PPM1A: variants seen among roughly 807,000 people sequenced by gnomAD.
PPM1A encodes the protein protein phosphatase 1A.
Under a neutral mutation model 35.0 loss-of-function variants are expected in PPM1A, and 7 were observed. The ratio of observed to expected loss-of-function variants is 0.20; its 90% CI spans 0.11 to 0.38. The LOEUF is 0.38. PPM1A is among the 10% of genes least tolerant of loss of function. PPM1A has a pLI of 1.00. For missense variants in PPM1A, 239 were observed against 467.8 expected (o/e 0.51, Z 4.51); for synonymous variants, 153 against 167.3 (o/e 0.91, Z 0.66).
rs983436461 is a variant in PPM1A, at chr14:60,282,628, G to A, written c.-20-56G>A. ...TTTCACTTATTAAAAAGATTGTTTGGTACATATTTTGTTTATAAGACAGTT... is the reference window on the plus strand; with the variant it reads ...TTTCACTTATTAAAAAGATTGTTTGATACATATTTTGTTTATAAGACAGTT... On this transcript the variant is annotated intron_variant, in intron 1 of 5. Coordinates refer to ENST00000395076, the MANE Select transcript of PPM1A (RefSeq NM_021003.5). The surrounding 1 kb of genome is among the most constrained non-coding windows in gnomAD (Gnocchi z 5.1). The A allele has an allele frequency of 1.8e-4, 287 of 1,556,262 alleles. No homozygotes were observed. The highest frequency in any genetic ancestry group is 2.0e-4 in the Non-Finnish European group (225 of 1,148,964).
At chr14:60,281,473 T>C (rs554917144) in intron 1 of PPM1A, among the ~76,000 whole-genome samples, 1 of 152,332 alleles carries the variant, frequency 6.6e-6, no homozygotes, top group South Asian at 2.1e-4. Flanking sequence ...TGAGTATCAT[T>C]AGCATCATCA....
chr14:60,288,374 A>G, intron 3 of PPM1A: 1 of 982,018 alleles, frequency 1.0e-6, no homozygotes, highest in Non-Finnish European at 1.2e-6. Context: ...CTATCCAAAT[A>G]ATTGTATTGG....
chr14:60,249,633 G>A lies in PPM1A; in HGVS notation c.-65G>A. On this transcript the variant is annotated 5_prime_UTR_variant, in exon 1 of 6. Coordinates refer to ENST00000395076, the MANE Select transcript of PPM1A (RefSeq NM_021003.5). This position sits in a 1 kb window ranked among gnomAD's most constrained non-coding sequence, Gnocchi z 4.5. ...GACCCCCTCCCCGGCTGCCGCCGCC[G>A]CCGCCTCGGCCGACCAGGGACCTGC... 1 of 983,052 alleles carries A rather than the reference G, an allele frequency of 1.0e-6. No homozygotes were observed. Among genetic ancestry groups the A allele is most frequent in the Non-Finnish European group, 1.2e-6 (1 of 830,644 alleles). 60.9% of individuals were successfully genotyped at this position (983,052 alleles called of 1,614,324 possible). A position where few individuals can be genotyped will look rare whatever the true frequency, so the allele number is the denominator to read the frequency against.
At chr14:60,270,535 C>T (rs1486087259) in intron 1 of PPM1A, among the ~76,000 whole-genome samples, 1 of 152,082 alleles carries the variant, frequency 6.6e-6, no homozygotes, top group Non-Finnish European at 1.5e-5. Context: ...TACTCCTTGC[C>T]TGTTCTGTCA....
intron 3 of PPM1A, chr14:60,287,377 A>T: frequency 3.1e-6 from 3 of 981,586 alleles, no homozygotes; most frequent in Non-Finnish European, 3.6e-6. Flanking sequence ...GATTGTCATA[A>T]ATTAAATATG....
At chr14:60,271,436 G>A (rs562491052) in intron 1 of PPM1A, among the ~76,000 whole-genome samples, 1 of 152,338 alleles carries the variant, frequency 6.6e-6, no homozygotes, top group Non-Finnish European at 1.5e-5. Flanking sequence ...CTACTTTAGA[G>A]TGAGGCAGAC....
At chr14:60,267,298 A>G (rs775035467) in intron 1 of PPM1A, 6 of 152,090 alleles carry the variant, frequency 3.9e-5, no homozygotes, top group Non-Finnish European at 7.4e-5. Context: ...TGAAGTAAGT[A>G]TTATATTAAG....
At position 60,267,610 on chromosome 14, in the gene PPM1A, A is replaced by G. The variant is rs528675710; in HGVS notation, c.-20-15074A>G. Among the ~76,000 whole-genome samples, 7 of 152,216 alleles carry G rather than the reference A, an allele frequency of 4.6e-5. No individual in the cohort carries two copies. In the South Asian group the frequency reaches 1.4e-3, roughly 32 times the overall value. ...ATTTTTTTCCTGTAATCTATAGATA[A>G]CTTAGGTAATTTGAGAGTTACATGT... On this transcript the variant is annotated intron_variant, in intron 1 of 5. Transcript: ENST00000395076.
chr14:60,256,598 G>A (rs971460197), intron 1 of PPM1A, among the ~76,000 whole-genome samples: 4 of 152,142 alleles, frequency 2.6e-5, no homozygotes, highest in Admixed American at 2.0e-4. Flanking sequence ...TAGCCTTGAC[G>A]TTAGCAACTA....
intron 1 of PPM1A, among the ~76,000 whole-genome samples, chr14:60,279,234 T>A (rs1886104812): frequency 6.6e-6 from 1 of 152,206 alleles, no homozygotes; most frequent in Non-Finnish European, 1.5e-5. Context: ...TTCTCCTGCC[T>A]CAGCCTCCTG....
In PPM1A at chr14:60,262,777, A is replaced by G. The variant is rs184963289; in HGVS notation, c.-21+13100A>G. ...TTAAATATAAATCATGAATATAGAA[A>G]ATATGAGAACAGAAGAGTATTTGTT... On this transcript the variant is annotated intron_variant, in intron 1 of 5. Coordinates refer to ENST00000395076, the MANE Select transcript of PPM1A (RefSeq NM_021003.5). Among the ~76,000 whole-genome samples the G allele has an allele frequency of 1.8e-4, 28 of 152,364 alleles. 1 individual carries two copies. Among genetic ancestry groups the G allele is most frequent in the South Asian group, 1.2e-3 (6 of 4,832 alleles).
At chr14:60,251,137 G>C (rs1595252007) in intron 1 of PPM1A, among the ~76,000 whole-genome samples, 1 of 152,236 alleles carries the variant, frequency 6.6e-6, no homozygotes, top group South Asian at 2.1e-4. Context: ...TTTCAGTCAT[G>C]TAAGGATGAT....
intron 1 of PPM1A, among the ~76,000 whole-genome samples, chr14:60,271,986 G>T (rs1053212026): frequency 1.3e-5 from 2 of 151,678 alleles, no homozygotes; most frequent in Admixed American, 6.6e-5. Flanking sequence ...GTCCAGTATC[G>T]CATATTGGAT....
intron 3 of PPM1A, 58 bp downstream of exon 3, chr14:60,285,799 A>C (rs1052758666): frequency 4.4e-6 from 7 of 1,589,552 alleles, no homozygotes; most frequent in African/African-American, 1.4e-5. Flanking sequence ...CAACACAATC[A>C]AACTTTAACA....
intron 1 of PPM1A, among the ~76,000 whole-genome samples, chr14:60,253,790 A>G (rs1185460381): frequency 2.0e-5 from 3 of 152,180 alleles, no homozygotes; most frequent in East Asian, 1.9e-4. Context: ...TGATATCCTT[A>G]ATGAAGGATC....
At chr14:60,259,704 C>T (rs1439533645) in intron 1 of PPM1A, among the ~76,000 whole-genome samples, 2 of 151,984 alleles carry the variant, frequency 1.3e-5, no homozygotes, top group Non-Finnish European at 2.9e-5. Flanking sequence ...TATTAGAAAA[C>T]TTTATAAACT....
At chr14:60,264,955 T>G (rs1322152764) in intron 1 of PPM1A, among the ~76,000 whole-genome samples, 1 of 152,226 alleles carries the variant, frequency 6.6e-6, no homozygotes, top group Non-Finnish European at 1.5e-5. Context: ...TAGAATGAAT[T>G]ACAGTTGTTG....
At chr14:60,286,021 A>T in intron 3 of PPM1A, 1 of 1,059,422 alleles carries the variant, frequency 9.4e-7, no homozygotes, top group Non-Finnish European at 1.1e-6. Flanking sequence ...AAAATTCTTA[A>T]TGAATTCACT....
chr14:60,282,659 C>T lies in PPM1A; in HGVS notation c.-20-25C>T. 1 of 1,599,720 alleles carries T rather than the reference C, an allele frequency of 6.3e-7. No homozygotes were observed. The highest frequency in any genetic ancestry group is 8.5e-7 in the Non-Finnish European group (1 of 1,172,078). ...ATTTTGTTTATAAGACAGTTATTGA[C>T]TTTCCTGTTTCTCTTCCTTTGCAGA... is the stretch of plus-strand genomic sequence containing the variant. On this transcript the variant is annotated intron_variant, in intron 1 of 5. Transcript: ENST00000395076. This position sits in a 1 kb window ranked among gnomAD's most constrained non-coding sequence, Gnocchi z 5.1.
Sources: gnomAD v4.1 joint callset for allele counts (sites outside exome capture counted in the v4.1 genomes callset) on GRCh38, gnomAD v4.1.1 for gene constraint, Gnocchi (gnomAD v3.1) non-coding constraint, MANE v1.5 for transcripts, NCBI Gene and HGNC (gene_info 2026-07-23, HGNC 2026-07-21) for gene names.